The following SERPINA11 variants were observed in gnomAD, a reference collection of about 807,000 sequenced individuals.
The protein encoded by SERPINA11 is serpin A11.
Under a neutral mutation model 29.4 loss-of-function variants are expected in SERPINA11, and 28 were observed. The ratio of observed to expected loss-of-function variants is 0.95; its 90% CI spans 0.70 to 1.30. The LOEUF (loss-of-function observed/expected upper bound fraction) is 1.30. SERPINA11 is among the 50% of genes most tolerant of loss of function. The pLI is 0.00. For missense variants in SERPINA11, 530 were observed against 507.3 expected (o/e 1.04, Z -0.43); for synonymous variants, 253 against 206.6 (o/e 1.22, Z -1.92).
At chr14:94,447,192 G>C (rs1221302878) in intron 2 of SERPINA11, among the ~76,000 whole-genome samples, 1 of 152,190 alleles carries the variant, frequency 6.6e-6, no homozygotes, top group African/African-American at 2.4e-5. Flanking sequence ...TCATGCATTA[G>C]GCAAAAGCCC....
Position 94,449,564 on chromosome 14 carries a change from TTTCC to T in SERPINA11, c.-3-791_-3-788del, listed in dbSNP as rs560483619. ...CTTTCTCTTTCTCTTTCTTTCTTTC[TTTCC>T]TTCCTTCCTTCCTTCCTTCCCTCCT... On this transcript the variant is annotated intron_variant, in intron 1 of 4. Transcript: ENST00000334708. 1.7e-3 allele frequency among the ~76,000 whole-genome samples: 255 copies of T among 150,060 alleles called. 2 individuals are homozygous for T. Among genetic ancestry groups the T allele is most frequent in the South Asian group, 6.6e-3 (31 of 4,682 alleles).
intron 1 of SERPINA11, 82 bp from the exon 2 acceptor site, chr14:94,448,859 T>C: frequency 3.0e-6 from 4 of 1,325,074 alleles, no homozygotes; most frequent in Non-Finnish European, 4.0e-6. Context: ...AAATCCCACC[T>C]TCACAATGTG....
At chr14:94,450,784 G>A (rs1053415519) in intron 1 of SERPINA11, among the ~76,000 whole-genome samples, 4 of 152,186 alleles carry the variant, frequency 2.6e-5, no homozygotes, top group Admixed American at 6.5e-5. Flanking sequence ...GGCTGGGAAT[G>A]CAGCCTGAGC....
intron 1 of SERPINA11, among the ~76,000 whole-genome samples, chr14:94,451,340 T>A (rs1311193138): frequency 6.6e-6 from 1 of 152,176 alleles, no homozygotes; most frequent in African/African-American, 2.4e-5. Flanking sequence ...ACGTCCTCCC[T>A]TTCTCCAGCA....
At chr14:94,451,454 A>C (rs1898584862) in intron 1 of SERPINA11, among the ~76,000 whole-genome samples, 1 of 152,260 alleles carries the variant, frequency 6.6e-6, no homozygotes, top group East Asian at 1.9e-4. Context: ...AAAATTTGGA[A>C]GATGCAAATC....
At chr14:94,449,491 G>C (rs5010310) in intron 1 of SERPINA11, among the ~76,000 whole-genome samples, 1,452 of 103,430 alleles carry the variant, frequency 0.014, 158 homozygotes, top group African/African-American at 0.07. Context: ...CTGTCTGTCT[G>C]TCTTTCTTTC....
At chr14:94,447,760 C>T (rs1012827940) in intron 2 of SERPINA11, among the ~76,000 whole-genome samples, 2 of 133,536 alleles carry the variant, frequency 1.5e-5, no homozygotes, top group Non-Finnish European at 3.6e-5. Flanking sequence ...TTTAGATATG[C>T]TAGTTTTTTT....
Position 94,448,560 on chromosome 14 carries a change from T to C in SERPINA11, c.215A>G (p.Asn72Ser). The change falls in exon 2 of 5, where the codon AAC (asparagine) becomes AGC (serine). Residue 72 changes from asparagine (N) to serine (S), a missense_variant. Coordinates refer to ENST00000334708, the MANE Select transcript of SERPINA11 (RefSeq NM_001080451.2). Reference sequence around the variant, plus strand: ...GATGCTCACTGGCGAGAAGAAGATGTTTCCGGGGGCGTCTGCTGCCAGCTC... The same window carrying C: ...GATGCTCACTGGCGAGAAGAAGATGCTTCCGGGGGCGTCTGCTGCCAGCTC... ...YKELAADAPGNIFFSPVSIST... is the reference protein window; with the variant it reads ...YKELAADAPGSIFFSPVSIST... 1 of 1,614,158 alleles carries C rather than the reference T, an allele frequency of 6.2e-7. No homozygotes were observed. Among genetic ancestry groups the C allele is most frequent in the South Asian group, 1.1e-5 (1 of 91,088 alleles).
intron 1 of SERPINA11, among the ~76,000 whole-genome samples, chr14:94,449,406 ATTCTTTCTTTCT>A (rs869124586): frequency 0.029 from 1,169 of 40,542 alleles, 12 homozygotes; most frequent in Middle Eastern, 0.058. Flanking sequence ...CTTTCTTTCT[ATTCTTTCTTTCT>A]TTCTTTCTTT....
At chr14:94,450,295 G>T (rs753710905) in intron 1 of SERPINA11, among the ~76,000 whole-genome samples, 1 of 152,094 alleles carries the variant, frequency 6.6e-6, no homozygotes. Context: ...TTGGAAATAG[G>T]GTCATTGGAG....
At chr14:94,449,233 C>G (rs572374348) in intron 1 of SERPINA11, among the ~76,000 whole-genome samples, 1 of 151,854 alleles carries the variant, frequency 6.6e-6, no homozygotes, top group Non-Finnish European at 1.5e-5. Flanking sequence ...TTCCTGTAGT[C>G]GCTGAGGTGG....
At chr14:94,448,861 C>T (rs1185013032) in intron 1 of SERPINA11, 84 bp from the exon 2 acceptor site, 2 of 1,309,862 alleles carry the variant, frequency 1.5e-6, no homozygotes, top group African/African-American at 1.5e-5. Flanking sequence ...ATCCCACCTT[C>T]ACAATGTGCC....
intron 2 of SERPINA11, among the ~76,000 whole-genome samples, chr14:94,447,052 CCTT>C (rs1898456590): frequency 6.6e-6 from 1 of 152,172 alleles, no homozygotes; most frequent in African/African-American, 2.4e-5. Flanking sequence ...CTGAATTAAT[CCTT>C]CTCAACCAAA....
chr14:94,442,871 T>C, intron 4 of SERPINA11, 62 bp from the exon 5 acceptor site: 1 of 1,423,352 alleles, frequency 7.0e-7, no homozygotes. Context: ...GAAGACACTG[T>C]ATTCCTGCCA....
intron 3 of SERPINA11, among the ~76,000 whole-genome samples, chr14:94,444,666 C>T (rs374229626): frequency 5.9e-5 from 9 of 152,172 alleles, no homozygotes; most frequent in Non-Finnish European, 1.2e-4. Flanking sequence ...CCCCTTGGCC[C>T]GTGCCTCTTA....
chr14:94,448,935 C>G (rs902281031), intron 1 of SERPINA11, among the ~76,000 whole-genome samples, 158 bp from the exon 2 acceptor site: 7 of 152,250 alleles, frequency 4.6e-5, no homozygotes, highest in Non-Finnish European at 1.0e-4. Flanking sequence ...ATTCTGGACA[C>G]TTTCCTCCGA....
chr14:94,445,646 G>A (rs933637205), intron 3 of SERPINA11, among the ~76,000 whole-genome samples: 1 of 152,158 alleles, frequency 6.6e-6, no homozygotes, highest in Non-Finnish European at 1.5e-5. Flanking sequence ...ATAGCTCACT[G>A]TAACCTCAAA....
rs1898481263 is a variant in SERPINA11, at chr14:94,448,144, T to C, written c.631A>G (p.Ile211Val). Reference sequence around the variant, plus strand: ...GAGCAAGCCTCACCTTTGAAGAAGATGTAATTGGCAAGAACCATGAACGTG... The same window carrying C: ...GAGCAAGCCTCACCTTTGAAGAAGACGTAATTGGCAAGAACCATGAACGTG... ...QDTFMVLANYIFFKAKWKHPF... is the reference protein window; with the variant it reads ...QDTFMVLANYVFFKAKWKHPF... Residue 211 changes from isoleucine to valine, a missense_variant, in exon 2 of 5, where the codon ATC becomes GTC. Physicochemically the swap from Ile to Val is conservative, Grantham distance 29 (BLOSUM62 3). Transcript: ENST00000334708. 3 of 1,613,272 alleles carry C rather than the reference T, an allele frequency of 1.9e-6. No homozygotes were observed. The highest frequency in any genetic ancestry group is 2.5e-6 in the Non-Finnish European group (3 of 1,179,326).
At chr14:94,445,391 G>A (rs912769997) in intron 3 of SERPINA11, among the ~76,000 whole-genome samples, 12 of 152,118 alleles carry the variant, frequency 7.9e-5, no homozygotes, top group African/African-American at 2.9e-4. Flanking sequence ...AGGGGGTCTA[G>A]GGAAACTAGA....
Sources: gnomAD v4.1 joint callset for allele counts (sites outside exome capture counted in the v4.1 genomes callset) on GRCh38, gnomAD v4.1.1 for gene constraint, MANE v1.5 for transcripts, NCBI Gene and HGNC (gene_info 2026-07-23, HGNC 2026-07-21) for gene names.